EPHA8: variants seen among roughly 807,000 people sequenced by gnomAD.
EPHA8 encodes EPH receptor A8.
A neutral mutation model predicts 103.6 loss-of-function variants in EPHA8; 58 were observed. The observed-to-expected ratio is 0.56, with a 90% confidence interval of 0.45 to 0.70. EPHA8 has a LOEUF of 0.70. Ranked by LOEUF, EPHA8 falls within the 30% of genes least tolerant of loss-of-function variation. The probability of loss-of-function intolerance (pLI) is 0.00; values close to 1 mark genes in which losing one functional copy is unlikely to be tolerated. For missense variants in EPHA8, 1,304 were observed against 1,395.2 expected, an observed-to-expected ratio of 0.93 and a Z score of 1.04; for synonymous variants, 559 against 572.5, an observed-to-expected ratio of 0.98 and a Z score of 0.34.
rs961207091 is a variant in EPHA8, at chr1:22,598,299, C to G, written c.2178+87C>G. The G allele has an allele frequency of 2.9e-6, 4 of 1,369,232 alleles. No homozygotes were observed. The highest frequency in any genetic ancestry group is 4.1e-6 in the Non-Finnish European group (4 of 984,752). The allele number at this position is 1,369,232 out of a possible 1,614,324, so 84.8% of individuals were successfully genotyped here. On this transcript the variant is annotated intron_variant, in intron 12 of 16. Transcript: ENST00000166244. This position sits in a 1 kb window ranked among gnomAD's most constrained non-coding sequence, Gnocchi z 5.1. The stretch of plus-strand genomic sequence containing the variant: ...GGAGATAGTGCAAAGCCCTCTAAGC[C>G]CCCTCCCTGGCTTGGACACCACAGG...
intron 8 of EPHA8, 46 bp from the exon 9 acceptor site, chr1:22,596,060 G>T (rs1424691024): frequency 1.3e-6 from 2 of 1,598,544 alleles, no homozygotes; most frequent in African/African-American, 2.7e-5. Flanking sequence ...CAGGTCCCGG[G>T]CTAGGGGTGG....
At chr1:22,588,561 G>A (rs1641281822) in intron 4 of EPHA8, among the ~76,000 whole-genome samples, 1 of 150,128 alleles carries the variant, frequency 6.7e-6, no homozygotes, top group East Asian at 2.0e-4. Flanking sequence ...GGACTGTGCG[G>A]TCTCTCTCCC....
intron 5 of EPHA8, among the ~76,000 whole-genome samples, chr1:22,591,043 C>G (rs1020575091): frequency 4.6e-5 from 7 of 151,928 alleles, no homozygotes; most frequent in Non-Finnish European, 1.0e-4. Flanking sequence ...GGAGACCCCT[C>G]TTGCCTCACC....
In EPHA8 at chr1:22,589,161, G is replaced by C. The variant is rs759275181; in HGVS notation, c.1270G>C (p.Glu424Gln). ...CAATGGCGTGTCCGACCTGAGCCCC[G>C]AGCCCCGCCGGGCCGCTGTGGTCAA... ...AVNGVSDLSP[E>Q]PRRAAVVNIT... is the part of the protein sequence containing the mutation. Residue 424 changes from glutamate to glutamine, a missense_variant, in exon 5 of 17, where the codon GAG becomes CAG. Transcript: ENST00000166244. This position sits in a 1 kb window ranked among gnomAD's most constrained non-coding sequence, Gnocchi z 4.3. 6.2e-7 allele frequency: 1 copy of C among 1,613,800 alleles called. No individual in the cohort carries two copies. Among genetic ancestry groups the C allele is most frequent in the South Asian group, 1.1e-5 (1 of 91,068 alleles).
intron 5 of EPHA8, among the ~76,000 whole-genome samples, chr1:22,591,648 C>T (rs1161452369): frequency 6.6e-6 from 1 of 152,228 alleles, no homozygotes. Flanking sequence ...CACAGCTTCA[C>T]CCCTGCCTGC....
chr1:22,578,550 A>T (rs1220459188), intron 3 of EPHA8, among the ~76,000 whole-genome samples: 1 of 108,866 alleles, frequency 9.2e-6, no homozygotes, highest in Non-Finnish European at 1.9e-5. Context: ...TGTGTGCGTG[A>T]GTGTGCACAT....
intron 5 of EPHA8, among the ~76,000 whole-genome samples, chr1:22,590,263 C>T (rs950777286): frequency 6.6e-6 from 1 of 152,196 alleles, no homozygotes; most frequent in Non-Finnish European, 1.5e-5. Flanking sequence ...AGGCTGGTCC[C>T]AAGTGGAGGG....
chr1:22,596,301 T>G, intron 9 of EPHA8, 128 bp downstream of exon 9: 1 of 900,346 alleles, frequency 1.1e-6, no homozygotes, highest in Non-Finnish European at 1.7e-6. Flanking sequence ...AAGAGGCAGA[T>G]TCCAGGGTGT....
chr1:22,574,386 C>G (rs1214519425), intron 2 of EPHA8, among the ~76,000 whole-genome samples: 1 of 152,238 alleles, frequency 6.6e-6, no homozygotes, highest in Non-Finnish European at 1.5e-5. Context: ...AGTGCATTCA[C>G]ATTGCTGTGT....
intron 1 of EPHA8, among the ~76,000 whole-genome samples, chr1:22,565,416 T>G (rs1640329517): frequency 6.8e-6 from 1 of 147,626 alleles, no homozygotes; most frequent in African/African-American, 2.5e-5. Context: ...TGCTGGGGAG[T>G]AGGAAAGGGG....
At chr1:22,579,106 T>C (rs1279514122) in intron 3 of EPHA8, among the ~76,000 whole-genome samples, 1 of 121,586 alleles carries the variant, frequency 8.2e-6, no homozygotes, top group Non-Finnish European at 1.6e-5. Flanking sequence ...CATGTGTATG[T>C]GTGCATGTGT....
chr1:22,588,370 C>T lies in EPHA8; in HGVS notation c.980-501C>T, dbSNP rs115823125. Among the ~76,000 whole-genome samples, 135 of 152,272 alleles carry T rather than the reference C, an allele frequency of 8.9e-4. 1 individual carries two copies. In the East Asian group the frequency reaches 0.02, roughly 22 times the overall value. ...GGCTCCCATGCCCGGGGTTGGGGAG[C>T]GGCTGCTTGGTGCACACAGCCATGG... On this transcript the variant is annotated intron_variant, in intron 4 of 16. Coordinates refer to ENST00000166244, the MANE Select transcript of EPHA8 (RefSeq NM_020526.5).
At chr1:22,575,797 A>G (rs1384386471) in intron 2 of EPHA8, among the ~76,000 whole-genome samples, 1 of 152,096 alleles carries the variant, frequency 6.6e-6, no homozygotes, top group Non-Finnish European at 1.5e-5. Flanking sequence ...TCTGGTTCAT[A>G]TATTAGAAAG....
rs1641578239 is a variant in EPHA8 at position 22,598,219 on chromosome 1, G to A, written c.2178+7G>A. On this transcript the variant is annotated splice_region_variant and intron_variant, in intron 12 of 16. Transcript: ENST00000166244. This position sits in a 1 kb window ranked among gnomAD's most constrained non-coding sequence, Gnocchi z 5.1. The stretch of plus-strand genomic sequence containing the variant: ...TCTGGACACCTTCCTGAGGGTGCGT[G>A]TCCCACCCCTGCCTCTTGCATGGGC... 2.5e-6 allele frequency: 4 copies of A among 1,612,412 alleles called. No homozygotes were observed. The highest frequency in any genetic ancestry group is 1.7e-6 in the Non-Finnish European group (2 of 1,179,664).
chr1:22,587,135 A>G (rs772657573), intron 4 of EPHA8, among the ~76,000 whole-genome samples: 2 of 152,236 alleles, frequency 1.3e-5, no homozygotes, highest in African/African-American at 4.8e-5. Flanking sequence ...GATTCTGTGT[A>G]TGCCCTGGGG....
intron 8 of EPHA8, among the ~76,000 whole-genome samples, chr1:22,595,589 T>A (rs1308294485): frequency 3.9e-5 from 6 of 152,142 alleles, no homozygotes; most frequent in Admixed American, 3.9e-4. Context: ...TGAGCCTAGG[T>A]CTGTCAAACT....
In EPHA8 at chr1:22,589,535, C is replaced by T; in HGVS notation, c.1315+329C>T. On this transcript the variant is annotated intron_variant, in intron 5 of 16. Transcript: ENST00000166244. The surrounding 1 kb of genome is among the most constrained non-coding windows in gnomAD (Gnocchi z 4.3). Reference sequence around the variant, plus strand: ...TAATAGTACCTGCCTGAGGTCCTCTCAGGAGGCTTAAATGAGAGGAATGAA... The same window carrying T: ...TAATAGTACCTGCCTGAGGTCCTCTTAGGAGGCTTAAATGAGAGGAATGAA... The T allele has an allele frequency of 7.2e-7, 1 of 1,380,216 alleles. No homozygotes were observed. The highest frequency in any genetic ancestry group is 9.3e-7 in the Non-Finnish European group (1 of 1,071,576). 85.5% of individuals were successfully genotyped at this position (1,380,216 alleles called of 1,614,324 possible).
At position 22,563,961 on chromosome 1, in the gene EPHA8, C is replaced by T. The variant is rs1339994351; in HGVS notation, c.94+232C>T. Among the ~76,000 whole-genome samples the T allele has an allele frequency of 6.6e-6, 1 of 151,812 alleles. No homozygotes were observed. The highest frequency in any genetic ancestry group is 1.5e-5 in the Non-Finnish European group (1 of 67,926). Reference sequence around the variant, plus strand: ...CGGACAGGTACCGGGGACTGGGGGACAGTGGGAAAGGACAGGAGACAGGAC... The same window carrying T: ...CGGACAGGTACCGGGGACTGGGGGATAGTGGGAAAGGACAGGAGACAGGAC... On this transcript the variant is annotated intron_variant, in intron 1 of 16. Transcript: ENST00000166244. The surrounding 1 kb of genome is among the most constrained non-coding windows in gnomAD (Gnocchi z 4.4).
chr1:22,601,343 G>A lies in EPHA8; in HGVS notation c.2773G>A (p.Gly925Arg), dbSNP rs200470501. The stretch of plus-strand genomic sequence containing the variant: ...CGTCCGGAGCTGCTTTGACCTCCGA[G>A]GGGGCAGCGGTGGCGGTGGGGGCCT... The part of the protein sequence containing the change: ...AFVRSCFDLR[G>R]GSGGGGGLTV... Residue 925 changes from glycine (G) to arginine (R), a missense_variant, in exon 16 of 17, where the codon GGG becomes AGG. Gly to Arg is a moderately radical substitution (Grantham distance 125). Transcript: ENST00000166244. 159 of 1,607,356 alleles carry A rather than the reference G, an allele frequency of 9.9e-5. No individual in the cohort carries two copies. In the East Asian group the frequency reaches 1.9e-3, roughly 20 times the overall value.
Sources: allele counts gnomAD v4.1 joint callset (sites outside exome capture counted in the v4.1 genomes callset), GRCh38; gene constraint gnomAD v4.1.1; non-coding constraint Gnocchi (gnomAD v3.1); transcripts MANE v1.5; gene names NCBI Gene and HGNC (gene_info 2026-07-23, HGNC 2026-07-21).